CPPED1: variants seen among roughly 807,000 people sequenced by gnomAD.
CPPED1 encodes the protein calcineurin like phosphoesterase domain containing 1.
Under a neutral mutation model 28.0 loss-of-function variants are expected in CPPED1, and 28 were observed. The ratio of observed to expected loss-of-function variants is 1.00; its 90% CI spans 0.74 to 1.37. CPPED1 has a LOEUF of 1.37. Ranked by LOEUF, CPPED1 falls within the 40% of genes most tolerant of loss-of-function variation. CPPED1 has a pLI of 0.00. For missense variants in CPPED1, 504 were observed against 416.5 expected (o/e 1.21, Z -1.83); for synonymous variants, 198 against 180.2 (o/e 1.10, Z -0.79).
chr16:12,697,540 G>T (rs2079998298), intron 3 of CPPED1, among the ~76,000 whole-genome samples: 6 of 152,194 alleles, frequency 3.9e-5, no homozygotes, highest in Admixed American at 2.0e-4. Context: ...CATACAGAAT[G>T]TGGACAAGGT....
At chr16:12,794,271 T>G (rs1385112763) in intron 1 of CPPED1, among the ~76,000 whole-genome samples, 1 of 152,162 alleles carries the variant, frequency 6.6e-6, no homozygotes, top group African/African-American at 2.4e-5. Context: ...AAATTGATTG[T>G]GATGGTTGTA....
chr16:12,762,680 C>T (rs1238901210), intron 2 of CPPED1, among the ~76,000 whole-genome samples: 1 of 152,012 alleles, frequency 6.6e-6, no homozygotes, highest in East Asian at 1.9e-4. Context: ...GGGCTGGAGT[C>T]GGAGGTGAAG....
chr16:12,724,427 C>G (rs1279804259), intron 2 of CPPED1, among the ~76,000 whole-genome samples: 1 of 152,222 alleles, frequency 6.6e-6, no homozygotes, highest in African/African-American at 2.4e-5. Flanking sequence ...CCTGTCACTT[C>G]CATGAGTGGC....
intron 1 of CPPED1, among the ~76,000 whole-genome samples, chr16:12,799,028 T>C (rs1372178105): frequency 1.3e-5 from 2 of 152,162 alleles, no homozygotes; most frequent in East Asian, 3.9e-4. Context: ...ATGGGAATAC[T>C]GTTACTCACG....
chr16:12,762,831 C>A (rs759013583), intron 2 of CPPED1, among the ~76,000 whole-genome samples: 6 of 152,104 alleles, frequency 3.9e-5, no homozygotes, highest in Non-Finnish European at 5.9e-5. Context: ...GCAACCTCTG[C>A]CTCCTGGACT....
Position 12,781,223 on chromosome 16 carries a change from A to G in CPPED1, c.251T>C (p.Phe84Ser). 6.2e-7 allele frequency: 1 copy of G among 1,614,034 alleles called. No individual in the cohort carries two copies. The highest frequency in any genetic ancestry group is 2.2e-5 in the East Asian group (1 of 44,862). Residue 84 changes from phenylalanine (F) to serine (S), a missense_variant, in exon 2 of 4, where the codon TTC becomes TCC. Coordinates refer to ENST00000381774, the MANE Select transcript of CPPED1 (RefSeq NM_018340.3). Reference protein sequence around the residue: ...AINKLNPKPKFFVLCGDLIHA... With the variant: ...AINKLNPKPKSFVLCGDLIHA... Reference sequence around the variant, plus strand: ...GATGAGGTCGCCGCACAGAACGAAGAATTTGGGTTTGGGGTTCAGCTTGTT... The same window carrying G: ...GATGAGGTCGCCGCACAGAACGAAGGATTTGGGTTTGGGGTTCAGCTTGTT...
rs1164126697 is a variant in CPPED1, at chr16:12,737,724, A to C, written c.290-32675T>G. 4.5e-4 allele frequency among the ~76,000 whole-genome samples: 69 copies of C among 152,310 alleles called. 1 individual carries two copies. ...GTCAGAGGGGCTGCTGAGCCATGAG[A>C]AGAAAAGGGACACTGGAGCTGCGCA... On this transcript the variant is annotated intron_variant, in intron 2 of 3. Transcript: ENST00000381774.
chr16:12,667,776 G>C (rs927356431), intron 3 of CPPED1, among the ~76,000 whole-genome samples: 3 of 152,192 alleles, frequency 2.0e-5, no homozygotes, highest in African/African-American at 7.2e-5. Context: ...AAGATCAGCA[G>C]AAGTTTAGAG....
intron 2 of CPPED1, among the ~76,000 whole-genome samples, chr16:12,738,579 G>T (rs2080238739): frequency 6.6e-6 from 1 of 152,104 alleles, no homozygotes; most frequent in South Asian, 2.1e-4. Context: ...TCAGAAGCAA[G>T]AATGCTGAGA....
At chr16:12,735,785 G>C (rs555249314) in intron 2 of CPPED1, among the ~76,000 whole-genome samples, 1 of 152,368 alleles carries the variant, frequency 6.6e-6, no homozygotes, top group East Asian at 1.9e-4. Flanking sequence ...AAGAGAACAT[G>C]ACTTGTTTGC....
At chr16:12,775,698 C>G (rs1273090749) in intron 2 of CPPED1, among the ~76,000 whole-genome samples, 2 of 152,190 alleles carry the variant, frequency 1.3e-5, no homozygotes, top group Non-Finnish European at 2.9e-5. Context: ...TGGGCACCAC[C>G]TTCTGTCTGA....
intron 2 of CPPED1, among the ~76,000 whole-genome samples, chr16:12,706,912 A>C (rs112034384): frequency 5.5e-4 from 84 of 152,226 alleles, no homozygotes; most frequent in Middle Eastern, 3.4e-3. Flanking sequence ...TAGTGGAGGG[A>C]GCCTTAGGGA....
intron 3 of CPPED1, among the ~76,000 whole-genome samples, chr16:12,704,160 C>G (rs570611427): frequency 2.0e-5 from 3 of 152,160 alleles, no homozygotes; most frequent in African/African-American, 7.2e-5. Context: ...GAGCAAGGTG[C>G]CTGCTTCCCA....
chr16:12,737,127 T>C (rs1212899908), intron 2 of CPPED1, among the ~76,000 whole-genome samples: 2 of 151,798 alleles, frequency 1.3e-5, no homozygotes, highest in Non-Finnish European at 2.9e-5. Context: ...GAGGTGGAGG[T>C]TGCAGTGAGC....
chr16:12,724,955 T>G (rs892612533), intron 2 of CPPED1, among the ~76,000 whole-genome samples: 5 of 149,630 alleles, frequency 3.3e-5, no homozygotes, highest in Admixed American at 6.7e-5. Flanking sequence ...CCCGGCTAAT[T>G]TTTTGTATTT....
intron 2 of CPPED1, among the ~76,000 whole-genome samples, chr16:12,724,018 G>A (rs2080156167): frequency 6.6e-6 from 1 of 152,070 alleles, no homozygotes; most frequent in Non-Finnish European, 1.5e-5. Flanking sequence ...CCTTCATGGT[G>A]CATGGTTTCC....
At chr16:12,720,932 G>T (rs551430592) in intron 2 of CPPED1, among the ~76,000 whole-genome samples, 1 of 152,190 alleles carries the variant, frequency 6.6e-6, no homozygotes, top group Non-Finnish European at 1.5e-5. Context: ...AAGTAAACAA[G>T]ATTTGGAATG....
intron 2 of CPPED1, among the ~76,000 whole-genome samples, chr16:12,768,319 C>T (rs2080451153): frequency 6.6e-6 from 1 of 152,222 alleles, no homozygotes; most frequent in Admixed American, 6.5e-5. Flanking sequence ...TCTGTTTTCA[C>T]TTTTTGATCT....
At chr16:12,683,630 T>A (rs935059645) in intron 3 of CPPED1, among the ~76,000 whole-genome samples, 2 of 152,140 alleles carry the variant, frequency 1.3e-5, no homozygotes, top group Non-Finnish European at 2.9e-5. Flanking sequence ...AACCCAGGCA[T>A]GTGGGAGTCA....
Sources: gnomAD v4.1 joint callset for allele counts (sites outside exome capture counted in the v4.1 genomes callset) on GRCh38, gnomAD v4.1.1 for gene constraint, MANE v1.5 for transcripts, NCBI Gene and HGNC (gene_info 2026-07-23, HGNC 2026-07-21) for gene names.